The following PPP2R3A variants were observed in gnomAD, a reference collection of about 807,000 sequenced individuals.
PPP2R3A encodes protein phosphatase 2 regulatory subunit B''alpha, also known as serine/threonine-protein phosphatase 2A regulatory subunit B'' subunit alpha.
Under a neutral mutation model 106.9 loss-of-function variants are expected in PPP2R3A, and 80 were observed. The observed-to-expected ratio is 0.75, with a 90% CI of 0.62 to 0.90. The LOEUF (loss-of-function observed/expected upper bound fraction) is 0.90, where lower values mean the gene tolerates loss of function less well. Among genes scored for constraint, PPP2R3A ranks in the 40% least tolerant of loss-of-function variants. PPP2R3A has a pLI of 0.00. For synonymous variants in PPP2R3A, 483 were observed against 468.3 expected (o/e 1.03, Z -0.41); for missense variants, 1,386 against 1,350.4 (o/e 1.03, Z -0.41).
chr3:136,123,271 G>A (rs1023545600), intron 13 of PPP2R3A, among the ~76,000 whole-genome samples: 13 of 152,062 alleles, frequency 8.5e-5, no homozygotes, highest in African/African-American at 1.2e-4. Flanking sequence ...TATTATTCAC[G>A]TCAAAACAGA....
chr3:136,124,850 T>C (rs1395009703), intron 13 of PPP2R3A, among the ~76,000 whole-genome samples: 1 of 152,094 alleles, frequency 6.6e-6, no homozygotes, highest in African/African-American at 2.4e-5. Flanking sequence ...TTAAAAGAAT[T>C]ATACGGGAAT....
chr3:136,076,872 G>A lies in PPP2R3A; in HGVS notation c.2545-1495G>A, dbSNP rs190452101. Among the ~76,000 whole-genome samples the A allele has an allele frequency of 6.4e-3, 970 of 152,036 alleles. 16 individuals are homozygous for A. The highest frequency in any genetic ancestry group is 0.023 in the African/African-American group (941 of 41,478). ...TGAGGCAGGAGAATGGCGTGAACCC[G>A]GGAGGTGGAGCTTGCAGTGAGCCGA... On this transcript the variant is annotated intron_variant, in intron 6 of 13. Transcript: ENST00000264977.
chr3:135,974,389 G>A lies in PPP2R3A; in HGVS notation c.-441+8540G>A, dbSNP rs1559846379. Among the ~76,000 whole-genome samples, 3 of 152,152 alleles carry A rather than the reference G, an allele frequency of 2.0e-5. No individual in the cohort carries two copies. In the East Asian group the frequency reaches 5.8e-4, roughly 29 times the overall value. ...GCAGTAACGTCTTTTCCTTGCTTAT[G>A]TCCTTCTCTGACGGCCTATTCCCAA... On this transcript the variant is annotated intron_variant, in intron 1 of 13. Transcript: ENST00000264977.
intron 1 of PPP2R3A, among the ~76,000 whole-genome samples, chr3:135,972,063 G>T (rs768681913): frequency 6.6e-6 from 1 of 152,064 alleles, no homozygotes; most frequent in Non-Finnish European, 1.5e-5. Flanking sequence ...AGCCATCACC[G>T]CTAATTCTGG....
At chr3:135,971,248 T>C (rs1937238195) in intron 1 of PPP2R3A, among the ~76,000 whole-genome samples, 1 of 152,176 alleles carries the variant, frequency 6.6e-6, no homozygotes, top group Non-Finnish European at 1.5e-5. Flanking sequence ...AAGTTGGAGA[T>C]GTAGGCCCTC....
intron 10 of PPP2R3A, 43 bp from the exon 11 acceptor site, chr3:136,101,964 G>A (rs926605621): frequency 1.3e-6 from 2 of 1,552,074 alleles, no homozygotes; most frequent in African/African-American, 2.7e-5. Context: ...ATAAATAAAA[G>A]GTCTTTACCA....
chr3:136,144,352 A>G (rs1041681626), intron 13 of PPP2R3A, among the ~76,000 whole-genome samples: 1 of 152,178 alleles, frequency 6.6e-6, no homozygotes, highest in Non-Finnish European at 1.5e-5. Context: ...CTATAAAGCA[A>G]TCTGAGAGTT....
chr3:136,137,583 C>G (rs1938675607), intron 13 of PPP2R3A, among the ~76,000 whole-genome samples: 2 of 92,466 alleles, frequency 2.2e-5, no homozygotes, highest in African/African-American at 3.5e-5. Context: ...GCTCTGTCGC[C>G]TAGGCTGGAG....
rs1392735429 is a variant in PPP2R3A, at chr3:136,146,069, T to C, written c.*903T>C. ...GATATATTCCTTCCTCCCAGGAGTATTAGACTAGCTAATAGTAAAGGCCTC... is the reference window on the plus strand; with the variant it reads ...GATATATTCCTTCCTCCCAGGAGTACTAGACTAGCTAATAGTAAAGGCCTC... On this transcript the variant is annotated 3_prime_UTR_variant, in exon 14 of 14. Coordinates refer to ENST00000264977, the MANE Select transcript of PPP2R3A (RefSeq NM_002718.5). 2 of 152,194 alleles carry C rather than the reference T, an allele frequency of 1.3e-5. No individual in the cohort carries two copies. The highest frequency in any genetic ancestry group is 6.5e-5 in the Admixed American group (1 of 15,284). 9.4% of individuals were successfully genotyped at this position (152,194 alleles called of 1,614,324 possible).
intron 5 of PPP2R3A, among the ~76,000 whole-genome samples, chr3:136,064,770 C>G (rs1278900604): frequency 6.6e-6 from 1 of 152,176 alleles, no homozygotes; most frequent in Non-Finnish European, 1.5e-5. Context: ...CAGAAACAAT[C>G]TCCTTTGAAC....
At chr3:136,066,614 T>C (rs1254522670) in intron 5 of PPP2R3A, among the ~76,000 whole-genome samples, 1 of 152,104 alleles carries the variant, frequency 6.6e-6, no homozygotes, top group East Asian at 1.9e-4. Flanking sequence ...CCTCGGAGTT[T>C]TCAATCATGG....
At chr3:136,123,771 T>C (rs1938083602) in intron 13 of PPP2R3A, among the ~76,000 whole-genome samples, 1 of 152,138 alleles carries the variant, frequency 6.6e-6, no homozygotes, top group South Asian at 2.1e-4. Context: ...TTTCCAGACT[T>C]GAAAGGAGAA....
chr3:136,136,045 C>CAAA (rs34558229), intron 13 of PPP2R3A, among the ~76,000 whole-genome samples: 428 of 22,292 alleles, frequency 0.019, 26 homozygotes, highest in African/African-American at 0.026. Flanking sequence ...GACTCCGTCT[C>CAAA]AAAAAAAAAA....
chr3:136,138,730 T>TTTTTA (rs1938730181), intron 13 of PPP2R3A, among the ~76,000 whole-genome samples: 1 of 107,220 alleles, frequency 9.3e-6, no homozygotes, highest in African/African-American at 3.6e-5. Flanking sequence ...TTTTTTTTTT[T>TTTTTA]GAGACAGTTT....
intron 13 of PPP2R3A, among the ~76,000 whole-genome samples, chr3:136,137,628 G>A (rs1384626436): frequency 2.9e-5 from 4 of 137,700 alleles, no homozygotes; most frequent in African/African-American, 8.3e-5. Context: ...TGCAAGCTCC[G>A]CCTCCCAGGT....
At chr3:136,132,376 T>C (rs543774642) in intron 13 of PPP2R3A, among the ~76,000 whole-genome samples, 5 of 152,030 alleles carry the variant, frequency 3.3e-5, no homozygotes, top group Non-Finnish European at 2.9e-5. Flanking sequence ...CTAAGGAATC[T>C]ACATAAAAGA....
At chr3:136,079,481 T>A (rs903744534) in intron 7 of PPP2R3A, among the ~76,000 whole-genome samples, 4 of 151,682 alleles carry the variant, frequency 2.6e-5, no homozygotes, top group African/African-American at 9.7e-5. Context: ...CGATCTGGGT[T>A]CACCACAATG....
rs1373055307 is a variant in PPP2R3A, at chr3:135,978,769, TGTTA to T, written c.-441+12921_-441+12924del. ...TAAGTATCAGGTTATAGATGCAGTT[TGTTA>T]TTTTGGATGCTATAATACAAATTAA... is the stretch of plus-strand genomic sequence containing the variant. On this transcript the variant is annotated intron_variant, in intron 1 of 13. Coordinates refer to ENST00000264977, the MANE Select transcript of PPP2R3A (RefSeq NM_002718.5). Among the ~76,000 whole-genome samples, 5 of 151,998 alleles carry T rather than the reference TGTTA, an allele frequency of 3.3e-5. No homozygotes were observed. In the East Asian group the frequency reaches 9.6e-4, roughly 29 times the overall value.
intron 13 of PPP2R3A, among the ~76,000 whole-genome samples, chr3:136,110,041 G>A (rs1272453352): frequency 6.6e-6 from 1 of 152,040 alleles, no homozygotes; most frequent in Non-Finnish European, 1.5e-5. Context: ...TTGGAACAGA[G>A]AAAGCCCAGT....
Sources: gnomAD v4.1 joint callset for allele counts (sites outside exome capture counted in the v4.1 genomes callset) on GRCh38, gnomAD v4.1.1 for gene constraint, MANE v1.5 for transcripts, NCBI Gene and HGNC (gene_info 2026-07-23, HGNC 2026-07-21) for gene names.